CCDC7: variants seen among roughly 807,000 people sequenced by gnomAD.
CCDC7 encodes coiled-coil domain containing 7.
Under a neutral mutation model 196.9 loss-of-function variants are expected in CCDC7, and 183 were observed. That is an observed-to-expected ratio of 0.93 (90% confidence interval 0.82 to 1.05). The LOEUF (loss-of-function observed/expected upper bound fraction) is 1.05. Ranked by LOEUF, CCDC7 falls within the 50% of genes least tolerant of loss-of-function variation. The pLI, the probability that CCDC7 is intolerant of heterozygous loss-of-function variation, is 0.00. For missense variants in CCDC7, 1,540 were observed against 1,482.2 expected (o/e 1.04, Z -0.64); for synonymous variants, 525 against 484.6 (o/e 1.08, Z -1.10).
chr10:32,827,205 T>C (rs1320533734), intron 32 of CCDC7, among the ~76,000 whole-genome samples: 1 of 152,098 alleles, frequency 6.6e-6, no homozygotes, highest in Non-Finnish European at 1.5e-5. Flanking sequence ...GGGATGGAGG[T>C]TATACATGGG....
chr10:32,654,500 G>A (rs943615481), intron 20 of CCDC7, among the ~76,000 whole-genome samples: 6 of 152,110 alleles, frequency 3.9e-5, no homozygotes, highest in African/African-American at 1.4e-4. Flanking sequence ...TTTGATTAGT[G>A]CATTTCTTGG....
At chr10:32,741,738 ATGTT>A (rs2085887463) in intron 28 of CCDC7, among the ~76,000 whole-genome samples, 1 of 152,090 alleles carries the variant, frequency 6.6e-6, no homozygotes, top group Non-Finnish European at 1.5e-5. Context: ...ACAACTGGTA[ATGTT>A]TGTTTCATCA....
chr10:32,639,602 G>C (rs2066331496), intron 20 of CCDC7, among the ~76,000 whole-genome samples: 2 of 151,538 alleles, frequency 1.3e-5, no homozygotes, highest in South Asian at 4.2e-4. Flanking sequence ...TGTGGTCTGA[G>C]AGACAGTTTG....
intron 5 of CCDC7, among the ~76,000 whole-genome samples, chr10:32,470,230 A>AT (rs1254233645): frequency 6.6e-6 from 1 of 152,074 alleles, no homozygotes; most frequent in African/African-American, 2.4e-5. Flanking sequence ...CCTTGACTTC[A>AT]TTTTTTCCCC....
At chr10:32,641,269 C>T (rs551092253) in intron 20 of CCDC7, among the ~76,000 whole-genome samples, 1 of 152,322 alleles carries the variant, frequency 6.6e-6, no homozygotes, top group South Asian at 2.1e-4. Context: ...TTCTATTCTC[C>T]CTGTCACTTT....
At chr10:32,669,059 G>T (rs2073473282) in intron 21 of CCDC7, among the ~76,000 whole-genome samples, 1 of 152,000 alleles carries the variant, frequency 6.6e-6, no homozygotes, top group South Asian at 2.1e-4. Context: ...TTTTATTGTG[G>T]TGAGGTACAA....
chr10:32,588,137 A>G (rs1367362580), intron 18 of CCDC7, among the ~76,000 whole-genome samples: 1 of 152,196 alleles, frequency 6.6e-6, no homozygotes, highest in Admixed American at 6.6e-5. Flanking sequence ...ACCAGCAAGG[A>G]GGCACTCCTC....
rs191616835 is a variant in CCDC7, at chr10:32,726,793, G to T, written c.2629G>T (p.Glu877Ter). The change falls in exon 26 of 42, where the codon GAA (glutamate) becomes TAA (stop). Residue 877 changes from glutamate (E) to a stop codon, truncating the protein, a stop_gained. Transcript: ENST00000639629. LOFTEE classifies it high-confidence loss of function. ...TTCAGTGTCAAAACTCCAAATGCAAGAAAAGAAAAAAATAACTCCTGGAAG... is the reference window on the plus strand; with the variant it reads ...TTCAGTGTCAAAACTCCAAATGCAATAAAAGAAAAAAATAACTCCTGGAAG... The T allele has an allele frequency of 3.1e-6, 5 of 1,600,140 alleles. No individual in the cohort carries two copies. The East Asian group carries it at 1.1e-4, about 36-fold the overall frequency.
intron 11 of CCDC7, among the ~76,000 whole-genome samples, chr10:32,535,256 T>C (rs1285837293): frequency 6.6e-6 from 1 of 152,014 alleles, no homozygotes; most frequent in Non-Finnish European, 1.5e-5. Flanking sequence ...TTGGTATCCA[T>C]TGGGAGTTGT....
At chr10:32,760,741 A>G (rs1592470401) in intron 28 of CCDC7, among the ~76,000 whole-genome samples, 1 of 151,432 alleles carries the variant, frequency 6.6e-6, no homozygotes, top group East Asian at 1.9e-4. Context: ...ACCTTAAAGT[A>G]TAATAATAAT....
At chr10:32,658,458 C>T (rs1037909358) in intron 20 of CCDC7, among the ~76,000 whole-genome samples, 10 of 152,026 alleles carry the variant, frequency 6.6e-5, no homozygotes, top group Admixed American at 2.0e-4. Flanking sequence ...ATTCATATCT[C>T]GTAAGAACTC....
chr10:32,656,201 A>G (rs2069826405), intron 20 of CCDC7, among the ~76,000 whole-genome samples: 1 of 152,216 alleles, frequency 6.6e-6, no homozygotes, highest in Non-Finnish European at 1.5e-5. Context: ...AAAATTAAAA[A>G]CAGAATTACC....
At chr10:32,843,159 A>T (rs1593358949) in intron 33 of CCDC7, among the ~76,000 whole-genome samples, 2 of 152,044 alleles carry the variant, frequency 1.3e-5, no homozygotes, top group African/African-American at 2.4e-5. Flanking sequence ...ATCCACCGGA[A>T]CAAATGCAAA....
At chr10:32,543,346 T>A in exon 12 of CCDC7, 3 of 1,459,344 alleles carry the variant, frequency 2.1e-6, no homozygotes, top group Middle Eastern at 1.8e-4. Flanking sequence ...GTGAAAACAG[T>A]GAAGAAAAAA....
intron 29 of CCDC7, among the ~76,000 whole-genome samples, chr10:32,801,641 G>A (rs1217546095): frequency 6.6e-6 from 1 of 152,126 alleles, no homozygotes; most frequent in Non-Finnish European, 1.5e-5. Context: ...CAACTCCAGG[G>A]GTCTGCCAGG....
chr10:32,656,072 AT>A (rs2069788665), intron 20 of CCDC7, among the ~76,000 whole-genome samples: 1 of 143,046 alleles, frequency 7.0e-6, no homozygotes, highest in Non-Finnish European at 1.5e-5. Flanking sequence ...ATCTTATTCT[AT>A]TTTTGCTTTT....
At chr10:32,672,596 T>G (rs1398927980) in intron 21 of CCDC7, among the ~76,000 whole-genome samples, 1 of 152,178 alleles carries the variant, frequency 6.6e-6, no homozygotes, top group Non-Finnish European at 1.5e-5. Context: ...TTCTGGGGTT[T>G]CCTGGTGGGG....
intron 28 of CCDC7, among the ~76,000 whole-genome samples, chr10:32,770,937 A>G (rs2079070983): frequency 6.6e-6 from 1 of 152,174 alleles, no homozygotes; most frequent in African/African-American, 2.4e-5. Flanking sequence ...TTTGTGTACA[A>G]TACCTTTTTA....
intron 33 of CCDC7, among the ~76,000 whole-genome samples, chr10:32,839,852 C>G (rs2092856727): frequency 6.6e-6 from 1 of 151,850 alleles, no homozygotes; most frequent in South Asian, 2.1e-4. Flanking sequence ...CAAAAGGAAC[C>G]CTAAAAATCA....
Sources: gnomAD v4.1 joint callset for allele counts (sites outside exome capture counted in the v4.1 genomes callset) on GRCh38, gnomAD v4.1.1 for gene constraint, MANE v1.5 for transcripts, NCBI Gene and HGNC (gene_info 2026-07-23, HGNC 2026-07-21) for gene names.